The following DEAF1 variants were observed in gnomAD, a reference collection of about 807,000 sequenced individuals.
DEAF1 encodes deformed epidermal autoregulatory factor 1 homolog.
Under a neutral mutation model 58.9 loss-of-function variants are expected in DEAF1, and 53 were observed. That is an observed-to-expected ratio of 0.90 (90% CI 0.72 to 1.13). The LOEUF (loss-of-function observed/expected upper bound fraction) is 1.13. Among genes scored for constraint, DEAF1 ranks in the 50% most tolerant of loss-of-function variants. DEAF1 has a pLI of 0.00. For synonymous variants in DEAF1, 385 were observed against 340.4 expected (o/e 1.13, Z -1.44); for missense variants, 685 against 791.4 (o/e 0.87, Z 1.61).
chr11:652,042 C>T (rs1311190378), intron 11 of DEAF1, among the ~76,000 whole-genome samples: 2 of 152,092 alleles, frequency 1.3e-5, no homozygotes, highest in African/African-American at 2.4e-5. Flanking sequence ...AATACTCCAC[C>T]CAACAGAGCA....
Position 694,832 on chromosome 11 carries a change from C to A in DEAF1, c.216G>T (p.Glu72Asp). 1 of 1,462,368 alleles carries A rather than the reference C, an allele frequency of 6.8e-7. No individual in the cohort carries two copies. The highest frequency in any genetic ancestry group is 2.3e-5 in the Admixed American group (1 of 44,180). 90.6% of individuals were successfully genotyped at this position (1,462,368 alleles called of 1,614,324 possible). A position where few individuals can be genotyped will look rare whatever the true frequency, so the allele number is the denominator to read the frequency against. Residue 72 changes from glutamate (E) to aspartate (D), a missense_variant, in exon 1 of 12, where the codon GAG becomes GAT. Physicochemically the swap from Glu to Asp is conservative, Grantham distance 45. Coordinates refer to ENST00000382409, the MANE Select transcript of DEAF1 (RefSeq NM_021008.4). ...CGGCGCCCATGTCCATGTGCCCGGG[C>A]TCCGCCGCCATCACCGCCACTGCCG... Reference protein sequence around the residue: ...RVTAVAVMAAEPGHMDMGAEA... With the variant: ...RVTAVAVMAADPGHMDMGAEA...
At chr11:702,833 G>T in intron 1 of DEAF1, 1 of 1,048,850 alleles carries the variant, frequency 9.5e-7, no homozygotes, top group Non-Finnish European at 1.4e-6. Context: ...GGCCCCGGAG[G>T]AACGTAGGGC....
chr11:703,338 G>A, intron 1 of DEAF1: 1 of 1,402,232 alleles, frequency 7.1e-7, no homozygotes, highest in Non-Finnish European at 9.3e-7. Flanking sequence ...AACTGCTGGA[G>A]GCCCTGGTGT....
At chr11:683,721 T>G (rs1398645252) in intron 6 of DEAF1, among the ~76,000 whole-genome samples, 1 of 152,240 alleles carries the variant, frequency 6.6e-6, no homozygotes, top group Non-Finnish European at 1.5e-5. Flanking sequence ...TGGGAAAAAG[T>G]CGCATCTTTA....
chr11:660,798 C>A (rs1372465554), intron 10 of DEAF1, among the ~76,000 whole-genome samples: 2 of 152,246 alleles, frequency 1.3e-5, no homozygotes, highest in East Asian at 3.9e-4. Context: ...AGGCAAAAGC[C>A]TTCATTTACA....
intron 1 of DEAF1, chr11:704,759 C>A: frequency 1.3e-6 from 1 of 767,978 alleles, no homozygotes; most frequent in Non-Finnish European, 1.9e-6. Flanking sequence ...AGAGGCCAGC[C>A]TGGACTGTCT....
At position 661,413 on chromosome 11, in the gene DEAF1, A is replaced by T. The variant is rs558195772; in HGVS notation, c.1504-7362T>A. ...GCTACATTTGATTTTTTTTTTTTTT[A>T]AATTCCAGATAAAAGGCCAGGCACC... On this transcript the variant is annotated intron_variant, in intron 10 of 11. Coordinates refer to ENST00000382409, the MANE Select transcript of DEAF1 (RefSeq NM_021008.4). 2.0e-3 allele frequency among the ~76,000 whole-genome samples: 305 copies of T among 150,572 alleles called. 1 individual carries two copies. The highest frequency in any genetic ancestry group is 5.8e-3 in the African/African-American group (238 of 41,006).
At chr11:679,897 A>G (rs1860269188) in intron 7 of DEAF1, 81 bp from the exon 8 acceptor site, 5 of 1,587,192 alleles carry the variant, frequency 3.2e-6, no homozygotes, top group Non-Finnish European at 4.3e-6. Flanking sequence ...ACGGGCGCCA[A>G]TCCTTGTGGG....
At chr11:698,760 C>A (rs551772041), upstream of DEAF1, 3 of 1,307,160 alleles carry the variant, frequency 2.3e-6, no homozygotes, top group Non-Finnish European at 1.1e-6. Flanking sequence ...TCTACAAATA[C>A]GAGATCAAAG....
chr11:656,601 G>C (rs1306357652), intron 10 of DEAF1, among the ~76,000 whole-genome samples: 3 of 152,226 alleles, frequency 2.0e-5, no homozygotes, highest in Non-Finnish European at 4.4e-5. Context: ...CACAGACAGA[G>C]GTCAGGTGGG....
intron 10 of DEAF1, among the ~76,000 whole-genome samples, chr11:657,561 G>A (rs115354482): frequency 9.4e-4 from 143 of 152,310 alleles, no homozygotes; most frequent in African/African-American, 3.3e-3. Flanking sequence ...CCCCACGGCC[G>A]TGGACTTGCT....
At position 667,419 on chromosome 11, in the gene DEAF1, G is replaced by GGAGGAAAA. The variant is rs1433053685; in HGVS notation, c.1503+7109_1503+7116dup. ...GGGAGGGAGGGAGGGAAGGAGGGAA[G>GGAGGAAAA]GAGGAAAAGAGGAAAGGAAGGAAGG... On this transcript the variant is annotated intron_variant, in intron 10 of 11. Coordinates refer to ENST00000382409, the MANE Select transcript of DEAF1 (RefSeq NM_021008.4). 1.1e-3 allele frequency among the ~76,000 whole-genome samples: 168 copies of GGAGGAAAA among 149,026 alleles called. 1 individual carries two copies. The highest frequency in any genetic ancestry group is 4.0e-3 in the African/African-American group (156 of 39,448).
chr11:684,105 G>A (rs1027947394), intron 6 of DEAF1, among the ~76,000 whole-genome samples: 1 of 150,438 alleles, frequency 6.6e-6, no homozygotes, highest in Non-Finnish European at 1.5e-5. Context: ...CCAAGAACAC[G>A]GTAGGTCTCT....
upstream of DEAF1, chr11:695,515 G>C: frequency 2.0e-6 from 2 of 990,694 alleles, no homozygotes; most frequent in South Asian, 1.0e-4. Context: ...CTCAGAGAGA[G>C]CTTAGTGCCG....
chr11:695,701 G>A (rs966475921), upstream of DEAF1: 2 of 1,242,012 alleles, frequency 1.6e-6, no homozygotes, highest in Non-Finnish European at 2.0e-6. Context: ...TGGCTCGGAC[G>A]TCCGCTCCCG....
intron 6 of DEAF1, among the ~76,000 whole-genome samples, chr11:683,477 G>T (rs533672891): frequency 9.9e-5 from 15 of 152,126 alleles, no homozygotes; most frequent in Non-Finnish European, 2.1e-4. Flanking sequence ...CCCTCTGCCA[G>T]TGCCACACTA....
At chr11:698,064 G>A (rs908691871), upstream of DEAF1, 2 of 152,296 alleles carry the variant, frequency 1.3e-5, no homozygotes, top group African/African-American at 4.8e-5. Flanking sequence ...CAGCGGTGCA[G>A]CTTGAGCCTC....
intron 10 of DEAF1, among the ~76,000 whole-genome samples, chr11:665,518 C>T (rs1859487358): frequency 6.6e-6 from 1 of 152,230 alleles, no homozygotes; most frequent in Non-Finnish European, 1.5e-5. Context: ...AAAGGGGCCG[C>T]CCTTTCTAAC....
chr11:704,406 T>G (rs944171193), intron 1 of DEAF1: 1 of 1,265,262 alleles, frequency 7.9e-7, no homozygotes, highest in African/African-American at 1.5e-5. Context: ...CCAGTTGTCC[T>G]GGGCCGACTT....
Sources: gnomAD v4.1 joint callset for allele counts (sites outside exome capture counted in the v4.1 genomes callset) on GRCh38, gnomAD v4.1.1 for gene constraint, MANE v1.5 for transcripts, NCBI Gene and HGNC (gene_info 2026-07-23, HGNC 2026-07-21) for gene names.